The following TSHZ3 variants were observed in gnomAD, a reference collection of about 807,000 sequenced individuals.
The protein encoded by TSHZ3 is teashirt homolog 3.
TSHZ3 carries 10 observed loss-of-function variants against 64.5 expected under a neutral mutation model. The ratio of observed to expected loss-of-function variants is 0.16; its 90% CI spans 0.10 to 0.26. The LOEUF (loss-of-function observed/expected upper bound fraction) is 0.26, where lower values mean the gene tolerates loss of function less well. Among genes scored for constraint, TSHZ3 ranks in the 10% least tolerant of loss-of-function variants. The pLI is 1.00. For synonymous variants in TSHZ3, 608 were observed against 593.1 expected (o/e 1.03, Z -0.36); for missense variants, 1,242 against 1,421.7 (o/e 0.87, Z 2.03).
chr19:31,168,377 A>C (rs929782458), intron 5 of TSHZ3, among the ~76,000 whole-genome samples: 1 of 152,118 alleles, frequency 6.6e-6, no homozygotes, highest in Non-Finnish European at 1.5e-5. Context: ...TGTCATTTTC[A>C]TTAGATTCAA....
chr19:31,333,046 C>T (rs1467271937), intron 1 of TSHZ3, among the ~76,000 whole-genome samples: 1 of 151,850 alleles, frequency 6.6e-6, no homozygotes, highest in African/African-American at 2.4e-5. Flanking sequence ...GTCGAGGCTG[C>T]AGTGAGCCAT....
At chr19:31,158,915 G>A (rs1448360771) in intron 5 of TSHZ3, among the ~76,000 whole-genome samples, 4 of 152,120 alleles carry the variant, frequency 2.6e-5, no homozygotes, top group Non-Finnish European at 5.9e-5. Context: ...CAAGCAATGG[G>A]GAGTGGCTGT....
Position 31,279,336 on chromosome 19 carries a change from T to A in TSHZ3, c.457A>T (p.Ser153Cys), listed in dbSNP as rs1339954882. 1 of 1,613,488 alleles carries A rather than the reference T, an allele frequency of 6.2e-7. No individual in the cohort carries two copies. Among genetic ancestry groups the A allele is most frequent in the Non-Finnish European group, 8.5e-7 (1 of 1,179,858 alleles). ...CCACAGCTGCTGCTGCTGCTACTGCTGCTGCTGCTGCTGCCGTTGTTCTTC... is the reference window on the plus strand; with the variant it reads ...CCACAGCTGCTGCTGCTGCTACTGCAGCTGCTGCTGCTGCCGTTGTTCTTC... ...SEKNNGSSSS[S>C]SSSSSSCGSG... The change falls in exon 2 of 2, where the codon AGC becomes TGC. Residue 153 changes from serine to cysteine, a missense_variant. By Grantham distance (112) the Ser-to-Cys change is moderately radical (BLOSUM62 -1). Around this residue, in one of 4 missense-constraint regions of TSHZ3, gnomAD observed 555 missense variants for 704.0 expected, o/e 0.79. Coordinates refer to ENST00000240587, the MANE Select transcript of TSHZ3 (RefSeq NM_020856.4). This position sits in a 1 kb window ranked among gnomAD's most constrained non-coding sequence, Gnocchi z 6.4.
intron 4 of TSHZ3, among the ~76,000 whole-genome samples, chr19:31,227,977 C>G (rs1975491100): frequency 6.6e-6 from 1 of 152,166 alleles, no homozygotes; most frequent in Non-Finnish European, 1.5e-5. Context: ...CACGGACCCC[C>G]AACAAGTCCA....
At chr19:31,253,061 G>A (rs986164349) in intron 1 of TSHZ3, among the ~76,000 whole-genome samples, 2 of 152,178 alleles carry the variant, frequency 1.3e-5, no homozygotes, top group East Asian at 3.9e-4. Flanking sequence ...TATAGATCTT[G>A]ATAATAGAGT....
chr19:31,246,524 G>C (rs1423212745), intron 1 of TSHZ3, among the ~76,000 whole-genome samples: 1 of 152,106 alleles, frequency 6.6e-6, no homozygotes, highest in Non-Finnish European at 1.5e-5. Flanking sequence ...AATTGGAAAG[G>C]GGAGGAGGAG....
At position 31,162,120 on chromosome 19, in the gene TSHZ3, G is replaced by A. The variant is rs114865825; in HGVS notation, n.810-5703C>T. ...AGCCAATGTGGTGATTTGAAGCTTCGTTATTTGCTCCCCTGATTTTATTCT... is the reference window on the plus strand; with the variant it reads ...AGCCAATGTGGTGATTTGAAGCTTCATTATTTGCTCCCCTGATTTTATTCT... On this transcript the variant is annotated intron_variant and non_coding_transcript_variant, in intron 5 of 6. Transcript: ENST00000651361. Among the ~76,000 whole-genome samples the A allele has an allele frequency of 3.3e-4, 50 of 152,234 alleles. 1 individual carries two copies. The highest frequency in any genetic ancestry group is 1.2e-3 in the African/African-American group (49 of 41,538).
intron 4 of TSHZ3, among the ~76,000 whole-genome samples, chr19:31,219,979 T>TA (rs1441303294): frequency 6.6e-6 from 1 of 150,788 alleles, no homozygotes; most frequent in Non-Finnish European, 1.5e-5. Context: ...ATTTAATCAA[T>TA]AGTCTTCAAC....
intron 1 of TSHZ3, among the ~76,000 whole-genome samples, chr19:31,289,178 T>C (rs1976518396): frequency 1.3e-5 from 2 of 152,234 alleles, no homozygotes; most frequent in Admixed American, 1.3e-4. Flanking sequence ...GGCCTCCTGC[T>C]GTCGGGAATC....
At chr19:31,210,696 C>T (rs1377613423) in intron 4 of TSHZ3, among the ~76,000 whole-genome samples, 1 of 152,138 alleles carries the variant, frequency 6.6e-6, no homozygotes, top group Non-Finnish European at 1.5e-5. Flanking sequence ...CAGGAACCCA[C>T]GCGTACCACC....
At chr19:31,273,634 T>C (rs1976176619), downstream of TSHZ3, among the ~76,000 whole-genome samples, 1 of 152,134 alleles carries the variant, frequency 6.6e-6, no homozygotes. Flanking sequence ...AATTCAAGCG[T>C]GGAAATCTGG....
chr19:31,195,608 G>A (rs1035785255), intron 5 of TSHZ3: 8 of 151,846 alleles, frequency 5.3e-5, no homozygotes, highest in Non-Finnish European at 1.2e-4. Context: ...TGCAAGAAAT[G>A]TTAAAAGAAG....
intron 5 of TSHZ3, among the ~76,000 whole-genome samples, chr19:31,202,788 G>C (rs759933196): frequency 1.3e-5 from 2 of 152,140 alleles, no homozygotes; most frequent in Non-Finnish European, 2.9e-5. Context: ...ACAAAATGCT[G>C]GTCATCAAAA....
chr19:31,255,447 C>G (rs930421470), intron 1 of TSHZ3, among the ~76,000 whole-genome samples: 5 of 152,142 alleles, frequency 3.3e-5, no homozygotes, highest in African/African-American at 1.2e-4. Flanking sequence ...GGGGGATTTG[C>G]GTCTGCCTCA....
Position 31,189,237 on chromosome 19 carries a change from A to T in TSHZ3, n.809+15719T>A, listed in dbSNP as rs576472794. ...CAAACAACTTCTTGTTTTATTTATT[A>T]TCTTCAATGTTTGTTCAATTTCTGT... On this transcript the variant is annotated intron_variant and non_coding_transcript_variant, in intron 5 of 6. Coordinates refer to the TSHZ3 transcript ENST00000651361. 3.9e-5 allele frequency among the ~76,000 whole-genome samples: 6 copies of T among 151,964 alleles called. No homozygotes were observed. In the East Asian group the frequency reaches 1.2e-3, roughly 29 times the overall value.
At chr19:31,153,437 G>A (rs1974265974) in intron 6 of TSHZ3, among the ~76,000 whole-genome samples, 1 of 152,140 alleles carries the variant, frequency 6.6e-6, no homozygotes. Context: ...AGAATAAAAT[G>A]GATTGCAGTT....
chr19:31,296,426 C>G (rs1007683936), intron 1 of TSHZ3, among the ~76,000 whole-genome samples: 1 of 147,836 alleles, frequency 6.8e-6, no homozygotes, highest in East Asian at 2.0e-4. Context: ...CCTCTGCCTC[C>G]CGGGTTCAAG....
At chr19:31,154,737 T>G (rs1338339282) in intron 6 of TSHZ3, among the ~76,000 whole-genome samples, 2 of 152,188 alleles carry the variant, frequency 1.3e-5, no homozygotes. Flanking sequence ...ATCCTCCCAG[T>G]GTGCAGGTGG....
Position 31,277,710 on chromosome 19 carries a change from C to G in TSHZ3, c.2083G>C (p.Val695Leu). 1.3e-6 allele frequency: 2 copies of G among 1,524,786 alleles called. No homozygotes were observed. The highest frequency in any genetic ancestry group is 2.6e-5 in the South Asian group (2 of 75,636). 94.5% of individuals were successfully genotyped at this position (1,524,786 alleles called of 1,614,324 possible). The change falls in exon 2 of 2, where the codon GTG becomes CTG. Residue 695 changes from valine to leucine, a missense_variant. Coordinates refer to ENST00000240587, the MANE Select transcript of TSHZ3 (RefSeq NM_020856.4). This position sits in a 1 kb window ranked among gnomAD's most constrained non-coding sequence, Gnocchi z 4.5. The part of the protein sequence containing the change: ...AEPVENGKEL[V>L]KPLASSLSGS... Reference sequence around the variant, plus strand: ...CTCAAACTGCTGGCTAGGGGCTTCACCAGCTCCTTGCCATTCTCCACCGGC... The same window carrying G: ...CTCAAACTGCTGGCTAGGGGCTTCAGCAGCTCCTTGCCATTCTCCACCGGC...
Sources: allele counts gnomAD v4.1 joint callset (sites outside exome capture counted in the v4.1 genomes callset), GRCh38; gene constraint gnomAD v4.1.1; regional missense constraint gnomAD v4.1.1; non-coding constraint Gnocchi (gnomAD v3.1); transcripts MANE v1.5; gene names NCBI Gene and HGNC (gene_info 2026-07-23, HGNC 2026-07-21).